VDAC1: variants seen among roughly 807,000 people sequenced by gnomAD.
VDAC1 encodes the protein voltage dependent anion channel 1, also known as non-selective voltage-gated ion channel VDAC1.
Under a neutral mutation model 34.7 loss-of-function variants are expected in VDAC1, and 10 were observed. The observed-to-expected ratio is 0.29, with a 90% CI of 0.18 to 0.49. The LOEUF (loss-of-function observed/expected upper bound fraction) is 0.49, where lower values mean the gene tolerates loss of function less well. Among genes scored for constraint, VDAC1 ranks in the 20% least tolerant of loss-of-function variants. The pLI is 0.99. For missense variants in VDAC1, 230 were observed against 347.9 expected (o/e 0.66, Z 2.69); for synonymous variants, 130 against 136.0 (o/e 0.96, Z 0.30).
chr5:134,098,631 A>G, the VDAC1 span, among the ~76,000 whole-genome samples: 12 of 152,264 alleles, frequency 7.9e-5, 1 homozygote, highest in South Asian at 2.3e-3. Context: ...CACCAGCTCC[A>G]TCTTTATAAC....
Position 133,990,743 on chromosome 5 carries a change from C to T in VDAC1, c.323+112G>A, listed in dbSNP as rs1030019506. 60 of 1,304,606 alleles carry T rather than the reference C, an allele frequency of 4.6e-5. No homozygotes were observed. In the African/African-American group the frequency reaches 8.0e-4, roughly 17 times the overall value. 80.8% of individuals were successfully genotyped at this position (1,304,606 alleles called of 1,614,324 possible). On this transcript the variant is annotated intron_variant, in intron 5 of 8. Transcript: ENST00000265333. ...CCAGAGGACTTAAATCGCCAGGTCT[C>T]GGAGACCATATTTTAGGTGCTGTCA...
At chr5:134,053,950 A>C in the VDAC1 span, among the ~76,000 whole-genome samples, 1 of 152,262 alleles carries the variant, frequency 6.6e-6, no homozygotes, top group Non-Finnish European at 1.5e-5. Flanking sequence ...TGTGGGTTAC[A>C]GGCCAGAGGA....
chr5:133,980,685 T>TC, intron 6 of VDAC1, 44 bp downstream of exon 6: 2 of 663,846 alleles, frequency 3.0e-6, no homozygotes, highest in Non-Finnish European at 5.3e-6. Flanking sequence ...CCACACATGC[T>TC]CCAACCCCAC....
intron 5 of VDAC1, chr5:133,989,088 TAA>T (rs1162009301): frequency 1.3e-5 from 2 of 151,914 alleles, no homozygotes; most frequent in African/African-American, 4.8e-5. Flanking sequence ...GGAATGAGAG[TAA>T]ATCAGCCCCG....
chr5:134,034,387 C>G, the VDAC1 span, among the ~76,000 whole-genome samples: 1 of 152,128 alleles, frequency 6.6e-6, no homozygotes, highest in Non-Finnish European at 1.5e-5. Context: ...AGTAAAGGAT[C>G]TTGAAACGAG....
chr5:134,109,406 G>C, the VDAC1 span, among the ~76,000 whole-genome samples: 1 of 152,154 alleles, frequency 6.6e-6, no homozygotes, highest in African/African-American at 2.4e-5. Context: ...ACCTTCTGCT[G>C]CATTTGTGAC....
At chr5:134,113,865 G>A in the VDAC1 span, among the ~76,000 whole-genome samples, 1 of 152,240 alleles carries the variant, frequency 6.6e-6, no homozygotes, top group East Asian at 1.9e-4. Flanking sequence ...TTCTAGGGTT[G>A]AGTTGCTGTG....
At chr5:134,103,617 C>T in the VDAC1 span, among the ~76,000 whole-genome samples, 6 of 152,226 alleles carry the variant, frequency 3.9e-5, no homozygotes, top group South Asian at 2.1e-4. Flanking sequence ...GCATTTCTCA[C>T]GCTTGGAAAT....
chr5:134,055,313 G>C, the VDAC1 span, among the ~76,000 whole-genome samples: 1 of 152,204 alleles, frequency 6.6e-6, no homozygotes, highest in Non-Finnish European at 1.5e-5. Context: ...CATGGGAAGA[G>C]TTTTCAGCCT....
At chr5:134,097,989 C>T in the VDAC1 span, among the ~76,000 whole-genome samples, 1 of 152,088 alleles carries the variant, frequency 6.6e-6, no homozygotes, top group Non-Finnish European at 1.5e-5. Context: ...CCAGCCGCAA[C>T]TTCCCGAGTA....
chr5:134,061,972 G>C, the VDAC1 span, among the ~76,000 whole-genome samples: 1 of 151,506 alleles, frequency 6.6e-6, no homozygotes, highest in Admixed American at 6.6e-5. Flanking sequence ...ATTGTTTTTT[G>C]GGTTTTTTTG....
At chr5:134,089,630 G>A in the VDAC1 span, among the ~76,000 whole-genome samples, 1 of 152,184 alleles carries the variant, frequency 6.6e-6, no homozygotes, top group Non-Finnish European at 1.5e-5. Flanking sequence ...AGAGTAGCCA[G>A]TTCACCTCTC....
At chr5:134,097,938 C>T in the VDAC1 span, among the ~76,000 whole-genome samples, 1 of 151,864 alleles carries the variant, frequency 6.6e-6, no homozygotes, top group African/African-American at 2.4e-5. Flanking sequence ...GGCAAGATCT[C>T]GGCTCACTGC....
In VDAC1 at chr5:133,980,949, T is replaced by C; in HGVS notation, c.331A>G (p.Asn111Asp). Reference sequence around the variant, plus strand: ...TTGTACCCTGTCTTGATTTTAGCATTTTTTTTCCTGAAGGAAAATAAGTTA... The same window carrying C: ...TTGTACCCTGTCTTGATTTTAGCATCTTTTTTCCTGAAGGAAAATAAGTTA... ...SSFSPNTGKK[N>D]AKIKTGYKRE... Residue 111 changes from asparagine to aspartate, a missense_variant, in exon 6 of 9, where the codon AAT (asparagine) becomes GAT (aspartate). Asn to Asp is a conservative substitution (Grantham distance 23). Coordinates refer to ENST00000265333, the MANE Select transcript of VDAC1 (RefSeq NM_003374.3). 1 of 1,613,824 alleles carries C rather than the reference T, an allele frequency of 6.2e-7. No individual in the cohort carries two copies. The highest frequency in any genetic ancestry group is 2.2e-5 in the East Asian group (1 of 44,880).
At chr5:134,106,467 G>A in the VDAC1 span, among the ~76,000 whole-genome samples, 1 of 148,926 alleles carries the variant, frequency 6.7e-6, no homozygotes, top group African/African-American at 2.5e-5. Flanking sequence ...GAGTGTAGTG[G>A]CATGATCTCA....
chr5:133,993,021 A>C lies in VDAC1; in HGVS notation c.-6-3T>G. 1.2e-6 allele frequency: 2 copies of C among 1,609,586 alleles called. No individual in the cohort carries two copies. Among genetic ancestry groups the C allele is most frequent in the South Asian group, 2.2e-5 (2 of 90,020 alleles). The stretch of plus-strand genomic sequence containing the variant: ...GTGGGTGGCACAGCCATCTTCTGCT[A>C]TGATAAAAGAATCACCAGAATAAAT... On this transcript the variant is annotated splice_region_variant and splice_polypyrimidine_tract_variant and intron_variant, in intron 1 of 8. Transcript: ENST00000265333.
At chr5:134,012,943 C>T in the VDAC1 span, among the ~76,000 whole-genome samples, 1 of 152,106 alleles carries the variant, frequency 6.6e-6, no homozygotes, top group African/African-American at 2.4e-5. Flanking sequence ...AAGCCACCCT[C>T]CTACAACCAA....
the VDAC1 span, among the ~76,000 whole-genome samples, chr5:134,097,428 A>T: frequency 1.3e-5 from 2 of 152,210 alleles, no homozygotes; most frequent in Non-Finnish European, 2.9e-5. Flanking sequence ...AGGGAAAAAA[A>T]GGTTTTTAAA....
At chr5:134,093,695 G>C in the VDAC1 span, among the ~76,000 whole-genome samples, 1 of 152,194 alleles carries the variant, frequency 6.6e-6, no homozygotes, top group Non-Finnish European at 1.5e-5. Flanking sequence ...CAGGTTCTTC[G>C]ATCAGGCTCA....
Sources: allele counts gnomAD v4.1 joint callset (sites outside exome capture counted in the v4.1 genomes callset), GRCh38; gene constraint gnomAD v4.1.1; transcripts MANE v1.5; gene names NCBI Gene and HGNC (gene_info 2026-07-23, HGNC 2026-07-21).